Variants in DNAH5 observed in about 807,000 individuals in gnomAD.
DNAH5 encodes dynein axonemal heavy chain 5.
A neutral mutation model predicts 518.2 loss-of-function variants in DNAH5; 372 were observed. That is an observed-to-expected ratio of 0.72 (90% confidence interval 0.66 to 0.78). The LOEUF (loss-of-function observed/expected upper bound fraction) is 0.78, where lower values mean the gene tolerates loss of function less well. DNAH5 is among the 30% of genes least tolerant of loss of function. The probability of loss-of-function intolerance (pLI) is 0.00; values close to 1 mark genes in which losing one functional copy is unlikely to be tolerated. For missense variants in DNAH5, 5,523 were observed against 5,687.0 expected (o/e 0.97, Z 0.93); for synonymous variants, 2,039 against 2,025.9 (o/e 1.01, Z -0.17).
At chr5:13,902,596 C>A (rs1774782503) in intron 12 of DNAH5, among the ~76,000 whole-genome samples, 1 of 152,166 alleles carries the variant, frequency 6.6e-6, no homozygotes, top group African/African-American at 2.4e-5. Flanking sequence ...AATAGGGTTC[C>A]CATACTTTCT....
intron 1 of DNAH5, among the ~76,000 whole-genome samples, chr5:13,978,832 C>T: frequency 6.6e-6 from 1 of 152,284 alleles, no homozygotes; most frequent in East Asian, 1.9e-4. Flanking sequence ...AATGTATCTC[C>T]ATCATTAAGT....
rs1399166111 is a variant in DNAH5 at position 13,870,903 on chromosome 5, A to C, written c.3698T>G (p.Phe1233Cys). The C allele has an allele frequency of 1.2e-6, 2 of 1,613,830 alleles. No individual in the cohort carries two copies. The highest frequency in any genetic ancestry group is 1.1e-5 in the South Asian group (1 of 91,078). ...KKYRSEMENI[F>C]MLIEEFNKKL... ...CTTATTGAATTCTTCAATAAGCATA[A>C]AAATGTTTTCCATCTCACTCCGGTA... Residue 1233 changes from phenylalanine to cysteine, a missense_variant, in exon 24 of 79, where the codon TTT (phenylalanine) becomes TGT (cysteine). Coordinates refer to ENST00000265104, the MANE Select transcript of DNAH5 (RefSeq NM_001369.3).
intron 1 of DNAH5, among the ~76,000 whole-genome samples, chr5:13,937,396 C>G (rs1292058924): frequency 6.6e-6 from 1 of 150,812 alleles, no homozygotes; most frequent in Admixed American, 6.6e-5. Context: ...CCAGGTGCTT[C>G]CAGCTGGGAT....
intron 31 of DNAH5, among the ~76,000 whole-genome samples, chr5:13,847,255 A>G (rs945818061): frequency 6.6e-6 from 1 of 152,144 alleles, no homozygotes; most frequent in Non-Finnish European, 1.5e-5. Context: ...CAAGGCTTAC[A>G]TATATTGCTT....
At position 13,885,176 on chromosome 5, in the gene DNAH5, C is replaced by T. The variant is rs374394989; in HGVS notation, c.2796G>A (p.Arg932=). The change falls in exon 19 of 79, where the codon AGG becomes AGA. Residue 932 remains arginine (R), a synonymous_variant. Coordinates refer to ENST00000265104, the MANE Select transcript of DNAH5 (RefSeq NM_001369.3). ...FDTLTSSINA[R]ANALLLTTVT... is the part of the protein sequence containing the mutation. ...CTGTCGTCAAAAGCAGGGCATTGGC[C>T]CTGGCATTAATAGATGATGTCAAGG... 5.6e-5 allele frequency: 91 copies of T among 1,613,970 alleles called. No homozygotes were observed. The highest frequency in any genetic ancestry group is 7.3e-5 in the Non-Finnish European group (86 of 1,180,018).
At chr5:13,878,424 C>T (rs576557574) in intron 21 of DNAH5, among the ~76,000 whole-genome samples, 12 of 152,144 alleles carry the variant, frequency 7.9e-5, no homozygotes, top group African/African-American at 2.9e-4. Flanking sequence ...GCTTCTGGCA[C>T]CCCCCCGCCT....
intron 68 of DNAH5, among the ~76,000 whole-genome samples, chr5:13,731,155 G>T (rs1252923403): frequency 6.6e-6 from 1 of 152,156 alleles, no homozygotes; most frequent in African/African-American, 2.4e-5. Context: ...CTACTAAATT[G>T]TTATTTTTTG....
chr5:13,758,909 A>G lies in DNAH5; in HGVS notation c.10356T>C (p.Asp3452=), dbSNP rs370524007. 1.2e-6 allele frequency: 2 copies of G among 1,614,052 alleles called. No homozygotes were observed. Among genetic ancestry groups the G allele is most frequent in the Non-Finnish European group, 1.7e-6 (2 of 1,180,018 alleles). The part of the protein sequence containing the change: ...QDLQKAQAEL[D]DKQAELDVVQ... ...CCACGTCAAGTTCCGCCTGCTTGTC[A>G]TCCAACTCGGCCTGGGCTTTCTGCA... Residue 3452 remains aspartate, a synonymous_variant, in exon 61 of 79, where the codon GAT becomes GAC. Coordinates refer to ENST00000265104, the MANE Select transcript of DNAH5 (RefSeq NM_001369.3).
chr5:13,808,220 C>T (rs1759958611), intron 46 of DNAH5, among the ~76,000 whole-genome samples: 1 of 104,304 alleles, frequency 9.6e-6, no homozygotes, highest in Non-Finnish European at 1.8e-5. Context: ...ACAGAGACTC[C>T]ATCTCAAAAA....
At chr5:13,798,479 AT>A (rs1758179619) in intron 47 of DNAH5, among the ~76,000 whole-genome samples, 1 of 152,176 alleles carries the variant, frequency 6.6e-6, no homozygotes, top group Non-Finnish European at 1.5e-5. Flanking sequence ...CTAATGCATG[AT>A]TTTAAATCAT....
chr5:13,835,612 T>G (rs1470894126), intron 35 of DNAH5, among the ~76,000 whole-genome samples: 1 of 151,996 alleles, frequency 6.6e-6, no homozygotes. Flanking sequence ...GGAGGGCCAG[T>G]TTTTTCGAGG....
intron 38 of DNAH5, 115 bp from the exon 39 acceptor site, chr5:13,824,448 G>A: frequency 4.9e-6 from 5 of 1,019,366 alleles, no homozygotes; most frequent in Non-Finnish European, 7.5e-6. Flanking sequence ...TTTTCCTTCA[G>A]AAAATGCATA....
intron 22 of DNAH5, among the ~76,000 whole-genome samples, chr5:13,874,953 T>G (rs1486769546): frequency 6.6e-6 from 1 of 152,144 alleles, no homozygotes; most frequent in Non-Finnish European, 1.5e-5. Context: ...GGACTTTCTG[T>G]GGTTGAGGCA....
intron 31 of DNAH5, 79 bp downstream of exon 31, chr5:13,850,573 T>G: frequency 2.3e-6 from 3 of 1,288,866 alleles, no homozygotes; most frequent in Non-Finnish European, 3.4e-6. Context: ...AGAAAACAAA[T>G]TTGGCTAATG....
chr5:13,796,330 C>T (rs1182289318), intron 47 of DNAH5, among the ~76,000 whole-genome samples: 1 of 152,300 alleles, frequency 6.6e-6, no homozygotes. Context: ...TCTCCTTAAG[C>T]TGATAAGCAA....
chr5:13,992,994 C>T (rs1450731009), intron 1 of DNAH5, among the ~76,000 whole-genome samples: 1 of 152,168 alleles, frequency 6.6e-6, no homozygotes, highest in East Asian at 1.9e-4. Context: ...AAGTGGAAAT[C>T]TATTTCTGTT....
intron 75 of DNAH5, 139 bp from the exon 76 acceptor site, chr5:13,708,474 A>AAT: frequency 7.6e-6 from 6 of 784,410 alleles, no homozygotes; most frequent in Non-Finnish European, 1.2e-5. Flanking sequence ...GCATGGCAAA[A>AAT]AGAAAAAAAA....
intron 1 of DNAH5, among the ~76,000 whole-genome samples, chr5:13,939,120 G>A (rs1247138213): frequency 1.3e-5 from 2 of 152,144 alleles, no homozygotes; most frequent in Non-Finnish European, 2.9e-5. Context: ...CAGCTTTACA[G>A]GGAAGGGATG....
At chr5:13,863,247 C>T (rs964513573) in intron 28 of DNAH5, among the ~76,000 whole-genome samples, 4 of 152,092 alleles carry the variant, frequency 2.6e-5, no homozygotes, top group African/African-American at 9.7e-5. Flanking sequence ...CATTTCTTCC[C>T]ACCTATGTTC....
Sources: allele counts gnomAD v4.1 joint callset (sites outside exome capture counted in the v4.1 genomes callset), GRCh38; gene constraint gnomAD v4.1.1; transcripts MANE v1.5; gene names NCBI Gene and HGNC (gene_info 2026-07-23, HGNC 2026-07-21).